Variants in SCN11A observed in about 807,000 individuals in gnomAD.
SCN11A encodes sodium voltage-gated channel alpha subunit 11.
SCN11A carries 122 observed loss-of-function variants against 162.2 expected under a neutral mutation model. That is an observed-to-expected ratio of 0.75 (90% CI 0.65 to 0.87). The LOEUF (loss-of-function observed/expected upper bound fraction) is 0.87, where lower values mean the gene tolerates loss of function less well. Ranked by LOEUF, SCN11A falls within the 40% of genes least tolerant of loss-of-function variation. The probability of loss-of-function intolerance (pLI) is 0.00; values close to 1 mark genes in which losing one functional copy is unlikely to be tolerated. For synonymous variants in SCN11A, 758 were observed against 751.5 expected, an observed-to-expected ratio of 1.01 and a Z score of -0.14; for missense variants, 2,015 against 2,181.6, an observed-to-expected ratio of 0.92 and a Z score of 1.52.
intron 28 of SCN11A, among the ~76,000 whole-genome samples, chr3:38,855,435 C>T (rs1397258705): frequency 6.6e-6 from 1 of 152,158 alleles, no homozygotes; most frequent in Non-Finnish European, 1.5e-5. Flanking sequence ...TTTTCTCTAC[C>T]TGTCCTAGTA....
chr3:38,993,803 A>G (rs1465975226), intron 2 of SCN11A, among the ~76,000 whole-genome samples: 1 of 152,130 alleles, frequency 6.6e-6, no homozygotes, highest in Non-Finnish European at 1.5e-5. Flanking sequence ...CAACCCCTCA[A>G]GTGCCTAGTG....
chr3:38,871,822 T>C (rs553677078), intron 24 of SCN11A, 114 bp from the exon 25 acceptor site: 2 of 852,866 alleles, frequency 2.3e-6, no homozygotes, highest in East Asian at 5.2e-5. Context: ...GCTCTGTCCT[T>C]AATCTCCACA....
chr3:38,938,400 A>G lies in SCN11A; in HGVS notation c.488+7011T>C, dbSNP rs559284565. Among the ~76,000 whole-genome samples, 371 of 150,254 alleles carry G rather than the reference A, an allele frequency of 2.5e-3. 1 individual carries two copies. The highest frequency in any genetic ancestry group is 0.011 in the Middle Eastern group (3 of 284). ...TATAATAATAATAAAATAAAAAACAAAAAAGAAGGAAAATGCATGAACTAA... is the reference window on the plus strand; with the variant it reads ...TATAATAATAATAAAATAAAAAACAGAAAAGAAGGAAAATGCATGAACTAA... On this transcript the variant is annotated intron_variant, in intron 7 of 29. Transcript: ENST00000302328.
intron 2 of SCN11A, among the ~76,000 whole-genome samples, chr3:38,969,235 G>A (rs2066802520): frequency 6.6e-6 from 1 of 152,200 alleles, no homozygotes; most frequent in African/African-American, 2.4e-5. Context: ...AGTCAAAAAG[G>A]ATATAATTAA....
intron 1 of SCN11A, among the ~76,000 whole-genome samples, chr3:39,039,841 G>A (rs1014888438): frequency 3.0e-4 from 46 of 152,156 alleles, no homozygotes; most frequent in African/African-American, 1.1e-3. Context: ...CCATGTACCT[G>A]AAACAGTTCC....
intron 2 of SCN11A, among the ~76,000 whole-genome samples, chr3:39,008,289 G>C (rs961075233): frequency 4.6e-5 from 7 of 151,380 alleles, no homozygotes; most frequent in Admixed American, 3.9e-4. Flanking sequence ...AATCAAGTAT[G>C]AGAGGAGAAT....
intron 27 of SCN11A, among the ~76,000 whole-genome samples, chr3:38,865,408 G>A (rs145659337): frequency 6.6e-6 from 1 of 152,280 alleles, no homozygotes; most frequent in African/African-American, 2.4e-5. Context: ...AGTAGCAGAA[G>A]CAATACAGTT....
At chr3:38,879,846 T>C in intron 23 of SCN11A, 104 bp downstream of exon 23, 1 of 846,786 alleles carries the variant, frequency 1.2e-6, no homozygotes, top group Admixed American at 2.8e-5. Flanking sequence ...AAAAACTATT[T>C]TAGACAGACA....
chr3:38,987,299 T>TCACACACA (rs1331997215), intron 2 of SCN11A, among the ~76,000 whole-genome samples: 1 of 111,758 alleles, frequency 8.9e-6, no homozygotes, highest in African/African-American at 4.6e-5. Flanking sequence ...TCTCTCTCTC[T>TCACACACA]CTCTCACACA....
At chr3:38,885,690 T>C (rs1318136755) in intron 20 of SCN11A, among the ~76,000 whole-genome samples, 2 of 152,198 alleles carry the variant, frequency 1.3e-5, no homozygotes, top group African/African-American at 4.8e-5. Flanking sequence ...ATAACCCTGA[T>C]AGGCTGCCTA....
intron 11 of SCN11A, among the ~76,000 whole-genome samples, chr3:38,917,185 C>T (rs530090569): frequency 1.1e-4 from 17 of 152,196 alleles, no homozygotes; most frequent in South Asian, 4.2e-4. Flanking sequence ...GGCATGGATG[C>T]GGAGAAAAAG....
chr3:38,967,230 A>G (rs1419641528), intron 2 of SCN11A, among the ~76,000 whole-genome samples: 2 of 152,210 alleles, frequency 1.3e-5, no homozygotes, highest in East Asian at 3.9e-4. Context: ...GTGTGGTTCT[A>G]TCCCAAATTG....
chr3:38,984,910 CATT>C (rs2030180098), intron 2 of SCN11A, among the ~76,000 whole-genome samples: 1 of 141,932 alleles, frequency 7.0e-6, no homozygotes, highest in African/African-American at 3.0e-5. Flanking sequence ...CTCAGAAACA[CATT>C]CAAGGGCAGT....
chr3:38,874,556 G>A (rs2065179055), intron 23 of SCN11A, among the ~76,000 whole-genome samples: 1 of 152,172 alleles, frequency 6.6e-6, no homozygotes, highest in African/African-American at 2.4e-5. Flanking sequence ...CTCAAGCCTG[G>A]ATGACAGAGT....
chr3:38,945,415 C>T lies in SCN11A; in HGVS notation c.484G>A (p.Ala162Thr). 6.2e-7 allele frequency: 1 copy of T among 1,606,612 alleles called. No individual in the cohort carries two copies. Among genetic ancestry groups the T allele is most frequent in the Non-Finnish European group, 8.5e-7 (1 of 1,173,964 alleles). The change falls in exon 7 of 30, where the codon GCA (alanine) becomes ACA (threonine). Residue 162 changes from alanine to threonine, a missense_variant. Ala to Thr is a moderately conservative substitution (Grantham distance 58). Coordinates refer to ENST00000302328, the MANE Select transcript of SCN11A (RefSeq NM_001349253.2). ...GAGTGAAGGAAAAATACTTACTCTG[C>T]AATGTCAGTATTGTTACTGTTGCTG... is the stretch of plus-strand genomic sequence containing the variant. Reference protein sequence around the residue: ...KNSNSNNTDIAECVFTGIYIF... With the variant: ...KNSNSNNTDITECVFTGIYIF...
Position 38,909,098 on chromosome 3 carries a change from TAAC to T in SCN11A, c.1195_1197del (p.Val399del), listed in dbSNP as rs749659844. 5.0e-6 allele frequency: 8 copies of T among 1,613,962 alleles called. No individual in the cohort carries two copies. Among genetic ancestry groups the T allele is most frequent in the Admixed American group, 1.7e-5 (1 of 59,976 alleles). On this transcript the variant is annotated inframe_deletion, in exon 13 of 30. Coordinates refer to ENST00000302328, the MANE Select transcript of SCN11A (RefSeq NM_001349253.2). ...TTGTTCTGCTCCTCATATGCCATGG[TAAC>T]AACAGCCAGGGTTAAGTTAATCAGG...
chr3:39,044,469 T>C (rs1451738966), intron 1 of SCN11A, among the ~76,000 whole-genome samples: 1 of 152,172 alleles, frequency 6.6e-6, no homozygotes, highest in African/African-American at 2.4e-5. Context: ...CCATATCAAG[T>C]ATCTTTTCTG....
At chr3:38,893,631 C>T (rs2065537519) in intron 19 of SCN11A, among the ~76,000 whole-genome samples, 1 of 152,022 alleles carries the variant, frequency 6.6e-6, no homozygotes, top group Admixed American at 6.6e-5. Flanking sequence ...AAACAAGCCT[C>T]AAAAATTTAA....
chr3:39,016,237 A>G (rs552321215), intron 2 of SCN11A, among the ~76,000 whole-genome samples: 1 of 152,344 alleles, frequency 6.6e-6, no homozygotes, highest in East Asian at 1.9e-4. Flanking sequence ...CCCATTGCAG[A>G]TGGTCATTGG....
Sources: gnomAD v4.1 joint callset for allele counts (sites outside exome capture counted in the v4.1 genomes callset) on GRCh38, gnomAD v4.1.1 for gene constraint, MANE v1.5 for transcripts, NCBI Gene and HGNC (gene_info 2026-07-23, HGNC 2026-07-21) for gene names.